Variants in LSAMP observed in about 807,000 individuals in gnomAD.
LSAMP encodes limbic system-associated membrane protein.
Under a neutral mutation model 38.6 loss-of-function variants are expected in LSAMP, and 7 were observed. The ratio of observed to expected loss-of-function variants is 0.18; its 90% confidence interval spans 0.10 to 0.34. The LOEUF (loss-of-function observed/expected upper bound fraction) is 0.34, where lower values mean the gene tolerates loss of function less well. Ranked by LOEUF, LSAMP falls within the 10% of genes least tolerant of loss-of-function variation. The probability of loss-of-function intolerance (pLI) is 1.00; values close to 1 mark genes in which losing one functional copy is unlikely to be tolerated. For synonymous variants in LSAMP, 154 were observed against 166.8 expected, an observed-to-expected ratio of 0.92 and a Z score of 0.59; for missense variants, 313 against 420.0, an observed-to-expected ratio of 0.75 and a Z score of 2.23.
intron 3 of LSAMP, among the ~76,000 whole-genome samples, chr3:115,877,915 G>T (rs963276653): frequency 6.6e-6 from 1 of 152,020 alleles, no homozygotes. Flanking sequence ...AGACAGCTAA[G>T]CAAGCAAATG....
intron 1 of LSAMP, among the ~76,000 whole-genome samples, chr3:116,356,218 C>T (rs2048221824): frequency 6.6e-6 from 1 of 152,078 alleles, no homozygotes; most frequent in African/African-American, 2.4e-5. Flanking sequence ...AGAAGATGTA[C>T]ATATTATATA....
intron 3 of LSAMP, among the ~76,000 whole-genome samples, chr3:115,898,911 T>G (rs1223306533): frequency 6.6e-6 from 1 of 152,048 alleles, no homozygotes; most frequent in Non-Finnish European, 1.5e-5. Context: ...CATGCACACT[T>G]AAGTCTGGGT....
rs564256546 is a variant in LSAMP at position 116,208,787 on chromosome 3, C to G, written c.156-122231G>C. ...GATCTCCAGCTGCGTGCTGGGAGAA[C>G]CACTGCTCTCTTCAGAGCTGTCAGA... On this transcript the variant is annotated intron_variant, in intron 1 of 6. Transcript: ENST00000490035. 2.0e-5 allele frequency among the ~76,000 whole-genome samples: 3 copies of G among 152,272 alleles called. No individual in the cohort carries two copies. The East Asian group carries it at 5.8e-4, about 30-fold the overall frequency.
At chr3:116,287,386 C>G (rs2047208938) in intron 1 of LSAMP, among the ~76,000 whole-genome samples, 1 of 152,146 alleles carries the variant, frequency 6.6e-6, no homozygotes, top group East Asian at 1.9e-4. Flanking sequence ...GCAATCCACA[C>G]AAATCCCTCT....
intron 6 of LSAMP, among the ~76,000 whole-genome samples, chr3:115,816,019 C>A (rs1934005904): frequency 1.3e-5 from 2 of 152,126 alleles, no homozygotes; most frequent in Non-Finnish European, 2.9e-5. Flanking sequence ...CCCTCTGAGA[C>A]TCAGAGAGGA....
intron 3 of LSAMP, among the ~76,000 whole-genome samples, chr3:115,899,897 A>G (rs544073380): frequency 8.6e-4 from 131 of 152,282 alleles, no homozygotes; most frequent in African/African-American, 2.8e-3. Flanking sequence ...CCAGTTTCCA[A>G]ATTGAAAGAT....
chr3:115,809,954 G>A lies in LSAMP; in HGVS notation c.*363C>T, dbSNP rs1449242486. On this transcript the variant is annotated 3_prime_UTR_variant, in exon 7 of 7. Coordinates refer to ENST00000490035, the MANE Select transcript of LSAMP (RefSeq NM_002338.5). ...AAAAGATGAAGGAAGGAAGGATAAA[G>A]TGTGTGTTGGGGGGCTTAATATCCA... 4.0e-5 allele frequency: 5 copies of A among 125,594 alleles called. No individual in the cohort carries two copies. In the Admixed American group the frequency reaches 4.2e-4, roughly 11 times the overall value. 7.8% of individuals were successfully genotyped at this position (125,594 alleles called of 1,614,324 possible). A position where few individuals can be genotyped will look rare whatever the true frequency, so the allele number is the denominator to read the frequency against.
intron 3 of LSAMP, among the ~76,000 whole-genome samples, chr3:115,997,715 T>TATAC (rs1939855568): frequency 3.8e-5 from 1 of 26,512 alleles, no homozygotes; most frequent in South Asian, 8.1e-4. Flanking sequence ...CATTTTGGGA[T>TATAC]ATATATATAT....
intron 1 of LSAMP, among the ~76,000 whole-genome samples, chr3:116,226,769 A>C (rs978713994): frequency 6.6e-6 from 1 of 152,206 alleles, no homozygotes; most frequent in African/African-American, 2.4e-5. Flanking sequence ...CATAAAGTGC[A>C]TGGCTGCATA....
chr3:115,947,268 T>C (rs1938129889), intron 3 of LSAMP, among the ~76,000 whole-genome samples: 1 of 152,124 alleles, frequency 6.6e-6, no homozygotes, highest in Non-Finnish European at 1.5e-5. Flanking sequence ...TTCCTTCTAA[T>C]AATATTATAC....
chr3:115,855,463 C>T (rs1246547812), intron 3 of LSAMP, among the ~76,000 whole-genome samples: 1 of 152,122 alleles, frequency 6.6e-6, no homozygotes, highest in Non-Finnish European at 1.5e-5. Flanking sequence ...GGAGAGTTTT[C>T]CCTTAAGTGA....
At chr3:116,408,696 C>T (rs922678922) in intron 1 of LSAMP, among the ~76,000 whole-genome samples, 1 of 152,156 alleles carries the variant, frequency 6.6e-6, no homozygotes, top group Non-Finnish European at 1.5e-5. Context: ...TATCTCAGAG[C>T]TAGTTAATGG....
chr3:116,022,071 C>T lies in LSAMP; in HGVS notation c.389-2431G>A, dbSNP rs577931931. Among the ~76,000 whole-genome samples the T allele has an allele frequency of 9.2e-5, 14 of 152,188 alleles. 1 individual carries two copies. The South Asian group carries it at 1.9e-3, about 20-fold the overall frequency. ...TGCTGAATAGTTAGGAATGTAATCA[C>T]GCTGTATCAGTGTATCCCATGTGCC... On this transcript the variant is annotated intron_variant, in intron 2 of 6. Transcript: ENST00000490035.
At chr3:116,378,849 C>T (rs1245956778) in intron 1 of LSAMP, among the ~76,000 whole-genome samples, 3 of 152,048 alleles carry the variant, frequency 2.0e-5, no homozygotes, top group African/African-American at 7.2e-5. Flanking sequence ...AGATCAATTT[C>T]ATTTTACAGC....
chr3:115,830,674 G>T (rs904222028), intron 6 of LSAMP, among the ~76,000 whole-genome samples: 29 of 152,278 alleles, frequency 1.9e-4, no homozygotes, highest in Non-Finnish European at 3.2e-4. Context: ...GTATTAAGGA[G>T]CTGAAAATAA....
At chr3:116,215,407 G>A (rs138049518) in intron 1 of LSAMP, among the ~76,000 whole-genome samples, 2 of 152,096 alleles carry the variant, frequency 1.3e-5, no homozygotes, top group Non-Finnish European at 2.9e-5. Context: ...GCTTTTTAAA[G>A]TATTGAGCAC....
At chr3:116,113,340 G>C (rs1352623643) in intron 1 of LSAMP, among the ~76,000 whole-genome samples, 1 of 148,768 alleles carries the variant, frequency 6.7e-6, no homozygotes, top group African/African-American at 2.5e-5. Context: ...CAACAAACTT[G>C]AGGGGATAGG....
At chr3:115,980,728 A>G (rs1939332959) in intron 3 of LSAMP, among the ~76,000 whole-genome samples, 1 of 152,152 alleles carries the variant, frequency 6.6e-6, no homozygotes, top group African/African-American at 2.4e-5. Context: ...CCTTGGTCCT[A>G]TGACTTCAGA....
In LSAMP at chr3:116,198,772, G is replaced by GGAAAAAAAAAA. The variant is rs150423338; in HGVS notation, c.156-112217_156-112216insTTTTTTTTTTC. 1.3e-4 allele frequency among the ~76,000 whole-genome samples: 13 copies of GGAAAAAAAAAA among 103,220 alleles called. No homozygotes were observed. In the East Asian group the frequency reaches 3.2e-3, roughly 26 times the overall value. The allele number at this position is 103,220 out of a possible 152,430, so 67.7% of individuals were successfully genotyped here. A position where few individuals can be genotyped will look rare whatever the true frequency, so the allele number is the denominator to read the frequency against. ...GGCGACAGAGCAAGACTCCGTCTCA[G>GGAAAAAAAAAA]AAAAAAAAAGAAAATCAGAACTGGA... On this transcript the variant is annotated intron_variant, in intron 1 of 6. Coordinates refer to ENST00000490035, the MANE Select transcript of LSAMP (RefSeq NM_002338.5).
Sources: gnomAD v4.1 joint callset for allele counts (sites outside exome capture counted in the v4.1 genomes callset) on GRCh38, gnomAD v4.1.1 for gene constraint, MANE v1.5 for transcripts, NCBI Gene and HGNC (gene_info 2026-07-23, HGNC 2026-07-21) for gene names.